The following SNX24 variants were observed in gnomAD, a reference collection of about 807,000 sequenced individuals.
SNX24 encodes the protein sorting nexin 24.
A neutral mutation model predicts 28.7 loss-of-function variants in SNX24; 22 were observed. That is an observed-to-expected ratio of 0.77 (90% CI 0.55 to 1.10). SNX24 has a LOEUF of 1.10. SNX24 is among the 50% of genes least tolerant of loss of function. SNX24 has a pLI of 0.00. For missense variants in SNX24, 221 were observed against 201.1 expected (o/e 1.10, Z -0.60); for synonymous variants, 69 against 71.5 (o/e 0.96, Z 0.18).
chr5:122,890,263 G>T (rs943146277), intron 1 of SNX24, among the ~76,000 whole-genome samples: 3 of 151,580 alleles, frequency 2.0e-5, no homozygotes, highest in African/African-American at 4.9e-5. Context: ...GTCTATGATG[G>T]TTTTTTTTCC....
rs1185349544 is a variant in SNX24, at chr5:123,008,138, C to CT, written c.*395dup. The stretch of plus-strand genomic sequence containing the variant: ...TACTGAGACTGATCAACTTTGGTAG[C>CT]TTTTTTGTTCAGATCTTATGACACA... On this transcript the variant is annotated 3_prime_UTR_variant, in exon 7 of 7. Coordinates refer to ENST00000261369, the MANE Select transcript of SNX24 (RefSeq NM_014035.4). 1 of 994,688 alleles carries CT rather than the reference C, an allele frequency of 1.0e-6. No individual in the cohort carries two copies. Among genetic ancestry groups the CT allele is most frequent in the Non-Finnish European group, 1.2e-6 (1 of 836,560 alleles). 61.6% of individuals were successfully genotyped at this position (994,688 alleles called of 1,614,324 possible). A position where few individuals can be genotyped will look rare whatever the true frequency, so the allele number is the denominator to read the frequency against.
At chr5:123,003,468 T>C (rs1762317471) in intron 6 of SNX24, among the ~76,000 whole-genome samples, 2 of 129,958 alleles carry the variant, frequency 1.5e-5, no homozygotes, top group South Asian at 2.2e-4. Flanking sequence ...TTTTATAAAT[T>C]ATTCTTATTA....
intron 1 of SNX24, among the ~76,000 whole-genome samples, chr5:122,909,305 A>C (rs146887688): frequency 3.3e-4 from 50 of 152,332 alleles, no homozygotes; most frequent in African/African-American, 1.2e-3. Flanking sequence ...CTATTGCTTA[A>C]TCTGTGCCAG....
At chr5:122,857,017 T>A (rs971857855) in intron 1 of SNX24, among the ~76,000 whole-genome samples, 3 of 151,984 alleles carry the variant, frequency 2.0e-5, no homozygotes, top group Non-Finnish European at 4.4e-5. Flanking sequence ...CATTTTTCTT[T>A]CTTTTTTTTT....
At chr5:122,964,524 A>T (rs2150141536) in intron 3 of SNX24, among the ~76,000 whole-genome samples, 1 of 152,192 alleles carries the variant, frequency 6.6e-6, no homozygotes, top group East Asian at 1.9e-4. Context: ...ATATATTTTC[A>T]AATATTATAT....
chr5:123,025,926 T>A (rs1762846885), intron 5 of SNX24: 1 of 1,610,184 alleles, frequency 6.2e-7, no homozygotes, highest in Non-Finnish European at 8.5e-7. Flanking sequence ...GTGCTTCAGC[T>A]TGAAGTTCTC....
downstream of SNX24, among the ~76,000 whole-genome samples, chr5:123,010,442 C>T (rs1039150396): frequency 6.6e-6 from 1 of 152,088 alleles, no homozygotes; most frequent in African/African-American, 2.4e-5. Flanking sequence ...GCGCATGCCA[C>T]CACGCCTGGC....
chr5:123,007,984 T>G lies in SNX24; in HGVS notation c.*235T>G. On this transcript the variant is annotated 3_prime_UTR_variant, in exon 7 of 7. Coordinates refer to ENST00000261369, the MANE Select transcript of SNX24 (RefSeq NM_014035.4). ...GGCCAAGTGTTTAAGAAGTAGAGTG[T>G]AGCTGCCAGCGTAGAAACCCATGAA... 1 of 1,210,912 alleles carries G rather than the reference T, an allele frequency of 8.3e-7. No homozygotes were observed. The highest frequency in any genetic ancestry group is 1.0e-6 in the Non-Finnish European group (1 of 969,612). 75.0% of individuals were successfully genotyped at this position (1,210,912 alleles called of 1,614,324 possible). A position where few individuals can be genotyped will look rare whatever the true frequency, so the allele number is the denominator to read the frequency against.
chr5:122,993,735 C>G lies in SNX24; in HGVS notation c.250-6177C>G, dbSNP rs894281568. ...CCTCTGTGAGCTCTTAGGTTTGGGTCCCAGAGGACAGTGACACTGCAGCCC... is the reference window on the plus strand; with the variant it reads ...CCTCTGTGAGCTCTTAGGTTTGGGTGCCAGAGGACAGTGACACTGCAGCCC... On this transcript the variant is annotated intron_variant, in intron 3 of 6. Transcript: ENST00000261369. Among the ~76,000 whole-genome samples, 12 of 152,224 alleles carry G rather than the reference C, an allele frequency of 7.9e-5. No individual in the cohort carries two copies. The South Asian group carries it at 2.1e-3, about 26-fold the overall frequency.
intron 1 of SNX24, among the ~76,000 whole-genome samples, chr5:122,914,892 G>A (rs559814793): frequency 7.9e-5 from 12 of 152,242 alleles, no homozygotes; most frequent in Middle Eastern, 3.4e-3. Context: ...GGGAATTTAG[G>A]TATGGATGTG....
chr5:122,883,357 A>G (rs138481683), intron 1 of SNX24, among the ~76,000 whole-genome samples: 225 of 152,300 alleles, frequency 1.5e-3, no homozygotes, highest in African/African-American at 5.2e-3. Context: ...CTTTGTTTAT[A>G]CAATTATTAA....
intron 5 of SNX24, chr5:123,023,784 A>G: frequency 7.1e-7 from 1 of 1,399,662 alleles, no homozygotes; most frequent in African/African-American, 1.5e-5. Context: ...AAAAAAAAAA[A>G]GCAAATAATT....
chr5:122,901,364 A>T (rs1257597515), intron 1 of SNX24, among the ~76,000 whole-genome samples: 1 of 152,204 alleles, frequency 6.6e-6, no homozygotes, highest in South Asian at 2.1e-4. Context: ...AATGTAGAAG[A>T]TTTATAAAAT....
intron 3 of SNX24, among the ~76,000 whole-genome samples, chr5:122,998,723 C>G (rs766234087): frequency 1.6e-4 from 24 of 152,172 alleles, no homozygotes; most frequent in Non-Finnish European, 3.1e-4. Flanking sequence ...AACAGTATTA[C>G]AAAACCTGAT....
At chr5:122,978,297 A>C (rs1761251024) in intron 3 of SNX24, among the ~76,000 whole-genome samples, 1 of 152,238 alleles carries the variant, frequency 6.6e-6, no homozygotes, top group Admixed American at 6.5e-5. Flanking sequence ...TTATCTGGAA[A>C]AGTAAAGAGT....
chr5:122,889,078 C>T (rs1756838282), intron 1 of SNX24, among the ~76,000 whole-genome samples: 1 of 152,166 alleles, frequency 6.6e-6, no homozygotes, highest in South Asian at 2.1e-4. Flanking sequence ...GTCTCGAACT[C>T]CTGATCTCAA....
At chr5:122,984,884 T>C (rs1302229941) in intron 3 of SNX24, among the ~76,000 whole-genome samples, 2 of 152,194 alleles carry the variant, frequency 1.3e-5, no homozygotes, top group Admixed American at 6.5e-5. Flanking sequence ...CCTGCTTTTT[T>C]CCTTATGCAT....
intron 6 of SNX24, among the ~76,000 whole-genome samples, chr5:123,003,430 T>G (rs915867510): frequency 6.6e-6 from 1 of 152,248 alleles, no homozygotes; most frequent in East Asian, 1.9e-4. Context: ...ATATTCATAA[T>G]GCAATCTAAT....
At chr5:122,923,664 G>C (rs1253049133) in intron 1 of SNX24, among the ~76,000 whole-genome samples, 1 of 152,106 alleles carries the variant, frequency 6.6e-6, no homozygotes, top group African/African-American at 2.4e-5. Context: ...TTTGAAGCTG[G>C]CAGATGCTGT....
Sources: gnomAD v4.1 joint callset for allele counts (sites outside exome capture counted in the v4.1 genomes callset) on GRCh38, gnomAD v4.1.1 for gene constraint, MANE v1.5 for transcripts, NCBI Gene and HGNC (gene_info 2026-07-23, HGNC 2026-07-21) for gene names.